The following ZMYM6 variants were observed in gnomAD, a reference collection of about 807,000 sequenced individuals.
The protein encoded by ZMYM6 is zinc finger MYM-type protein 6.
In ZMYM6, 90 loss-of-function variants were observed where a neutral mutation model predicts 134.0. That is an observed-to-expected ratio of 0.67 (90% confidence interval 0.57 to 0.80). ZMYM6 has a LOEUF of 0.80. Among genes scored for constraint, ZMYM6 ranks in the 30% least tolerant of loss-of-function variants. The pLI is 0.00. For synonymous variants in ZMYM6, 481 were observed against 524.1 expected (o/e 0.92, Z 1.12); for missense variants, 1,362 against 1,533.9 (o/e 0.89, Z 1.87).
intron 4 of ZMYM6, among the ~76,000 whole-genome samples, chr1:35,015,892 C>T (rs1259304117): frequency 6.6e-6 from 1 of 150,664 alleles, no homozygotes; most frequent in Non-Finnish European, 1.5e-5. Flanking sequence ...TCTCATTAGC[C>T]AGAGGCTGCC....
At chr1:34,996,729 T>C (rs573375373) in intron 14 of ZMYM6, among the ~76,000 whole-genome samples, 13 of 152,362 alleles carry the variant, frequency 8.5e-5, no homozygotes, top group African/African-American at 3.1e-4. Context: ...TATGGATATA[T>C]ACCTTGTTCA....
intron 1 of ZMYM6, 169 bp from the exon 2 acceptor site, chr1:35,030,882 C>T (rs907523188): frequency 6.8e-5 from 33 of 485,650 alleles, no homozygotes; most frequent in Middle Eastern, 5.3e-4. Context: ...TCAGTAGCTA[C>T]ATAAGAAAAC....
Position 34,988,296 on chromosome 1 carries a change from C to G in ZMYM6, c.2786G>C (p.Arg929Pro). Residue 929 changes from arginine to proline, a missense_variant, in exon 16 of 16, where the codon CGT (arginine) becomes CCT (proline). Arg to Pro is a moderately radical substitution (Grantham distance 103). Coordinates refer to ENST00000357182, the MANE Select transcript of ZMYM6 (RefSeq NM_007167.4). ...ATCACGACAATCATAATCAATGAAA[C>G]GAATATAGCACAAAAGAAGTGTGAT... ...SNITLLLCYI[R>P]FIDYDCRDVK... 1 of 1,550,670 alleles carries G rather than the reference C, an allele frequency of 6.4e-7. No individual in the cohort carries two copies. The highest frequency in any genetic ancestry group is 1.2e-5 in the South Asian group (1 of 83,902).
At chr1:35,013,690 T>TG (rs1165713418) in intron 6 of ZMYM6, 36 of 975,742 alleles carry the variant, frequency 3.7e-5, no homozygotes, top group Non-Finnish European at 4.4e-5. Flanking sequence ...TGTTTTTTTT[T>TG]TTTGTTTGTT....
At chr1:35,009,808 C>T (rs1281174524) in intron 10 of ZMYM6, among the ~76,000 whole-genome samples, 3 of 151,964 alleles carry the variant, frequency 2.0e-5, no homozygotes, top group Admixed American at 6.6e-5. Context: ...TGGTGGCACG[C>T]TCCTGTAGCT....
At chr1:35,014,928 G>C (rs141664923) in intron 5 of ZMYM6, 40 bp from the exon 6 acceptor site, 3 of 1,607,394 alleles carry the variant, frequency 1.9e-6, no homozygotes, top group Admixed American at 3.5e-5. Flanking sequence ...AAAATAAGCA[G>C]AGCCAGTTAA....
intron 14 of ZMYM6, 123 bp downstream of exon 14, chr1:35,003,845 G>T: frequency 1.2e-6 from 1 of 819,622 alleles, no homozygotes; most frequent in Non-Finnish European, 2.0e-6. Flanking sequence ...CCAAGACCTA[G>T]ATTAATGACT....
intron 2 of ZMYM6, among the ~76,000 whole-genome samples, chr1:35,021,295 C>A (rs1268846234): frequency 6.6e-6 from 1 of 151,746 alleles, no homozygotes; most frequent in Non-Finnish European, 1.5e-5. Context: ...CTTGCGCTAC[C>A]ACACCCGGCG....
intron 14 of ZMYM6, among the ~76,000 whole-genome samples, chr1:34,997,028 T>C (rs1424543234): frequency 6.6e-6 from 1 of 152,240 alleles, no homozygotes; most frequent in Non-Finnish European, 1.5e-5. Flanking sequence ...ATCTGGAAGA[T>C]AAATTCCTAA....
rs1348715846 is a variant in ZMYM6, at chr1:35,023,132, G to T, written c.94-2665C>A. Among the ~76,000 whole-genome samples, 3 of 151,682 alleles carry T rather than the reference G, an allele frequency of 2.0e-5. No homozygotes were observed. In the South Asian group the frequency reaches 6.2e-4, roughly 31 times the overall value. ...TTCTTTTTTTTTTTCTTTTGAGATG[G>T]AGTTTCGCTCTTGTTGCCCAGGCTG... On this transcript the variant is annotated intron_variant, in intron 2 of 15. Transcript: ENST00000357182.
chr1:35,014,572 TG>T, intron 6 of ZMYM6, 124 bp downstream of exon 6: 1 of 948,720 alleles, frequency 1.1e-6, no homozygotes, highest in Non-Finnish European at 1.5e-6. Context: ...TCCCATTTTC[TG>T]GAAGGGAAAT....
At position 34,988,185 on chromosome 1, in the gene ZMYM6, T is replaced by C. The variant is rs1420234840; in HGVS notation, c.2897A>G (p.Asp966Gly). Reference protein sequence around the residue: ...EIFELINKYIDSKSLNWKHCV... With the variant: ...EIFELINKYIGSKSLNWKHCV... The stretch of plus-strand genomic sequence containing the variant: ...ATGTTTCCAATTCAGAGATTTACTA[T>C]CAATATATTTATTTATTAGTTCAAA... The change falls in exon 16 of 16, where the codon GAT becomes GGT. Residue 966 changes from aspartate to glycine, a missense_variant. Asp to Gly is a moderately conservative substitution (Grantham distance 94). Around this residue, in one of 3 missense-constraint regions of ZMYM6, gnomAD observed 824 missense variants for 940.9 expected, o/e 0.88. Transcript: ENST00000357182. 8.4e-6 allele frequency: 13 copies of C among 1,548,704 alleles called. No individual in the cohort carries two copies. Among genetic ancestry groups the C allele is most frequent in the Admixed American group, 2.0e-5 (1 of 50,752 alleles).
At chr1:35,025,360 G>A (rs899710300) in intron 2 of ZMYM6, among the ~76,000 whole-genome samples, 34 of 150,862 alleles carry the variant, frequency 2.3e-4, no homozygotes, top group Non-Finnish European at 3.5e-4. Context: ...CCAGCTACTC[G>A]GCAGGCTGAG....
intron 15 of ZMYM6, chr1:34,990,307 C>T (rs555717042): frequency 2.6e-4 from 74 of 281,456 alleles, no homozygotes; most frequent in Admixed American, 2.0e-3. Context: ...TGTGAAATCC[C>T]GTCTCTACTA....
Position 35,014,627 on chromosome 1 carries a change from G to A in ZMYM6, c.795+70C>T, listed in dbSNP as rs140912817. On this transcript the variant is annotated intron_variant, in intron 6 of 15. Transcript: ENST00000357182. ...AATGGGAGGAGCTCACTCTCATTTTGTAGTTCATCCCTGTGCAGCCAAATC... is the reference window on the plus strand; with the variant it reads ...AATGGGAGGAGCTCACTCTCATTTTATAGTTCATCCCTGTGCAGCCAAATC... The A allele has an allele frequency of 3.7e-5, 53 of 1,447,390 alleles. No homozygotes were observed. The African/African-American group carries it at 6.4e-4, about 17-fold the overall frequency. The allele number at this position is 1,447,390 out of a possible 1,614,324, so 89.7% of individuals were successfully genotyped here.
rs115619623 is a variant in ZMYM6, at chr1:35,020,329, A to G, written c.178+54T>C. On this transcript the variant is annotated intron_variant, in intron 3 of 15. Coordinates refer to ENST00000357182, the MANE Select transcript of ZMYM6 (RefSeq NM_007167.4). Reference sequence around the variant, plus strand: ...GAAAAGATGCTTTCCCTCAATTTTAAAAGTCAGAATAAGCAAATTAATTGT... The same window carrying G: ...GAAAAGATGCTTTCCCTCAATTTTAGAAGTCAGAATAAGCAAATTAATTGT... The G allele has an allele frequency of 3.8e-4, 564 of 1,490,026 alleles. 7 individuals carry two copies. The African/African-American group carries it at 6.3e-3, about 17-fold the overall frequency. 92.3% of individuals were successfully genotyped at this position (1,490,026 alleles called of 1,614,324 possible). A position where few individuals can be genotyped will look rare whatever the true frequency, so the allele number is the denominator to read the frequency against.
At chr1:34,997,364 C>T (rs1217417370) in intron 14 of ZMYM6, among the ~76,000 whole-genome samples, 3 of 152,126 alleles carry the variant, frequency 2.0e-5, no homozygotes, top group Admixed American at 6.5e-5. Flanking sequence ...AGTGCAGTGG[C>T]GTGATCTCGG....
Position 35,014,884 on chromosome 1 carries a change from C to T in ZMYM6, c.608G>A (p.Arg203Gln), listed in dbSNP as rs1641152858. Reference protein sequence around the residue: ...CSMCQKNADTRFEVKYQNVVH... With the variant: ...CSMCQKNADTQFEVKYQNVVH... ...CACATTTTGATATTTAACTTCAAAT[C>T]GAGTCTAGGAAATAAACACACACAT... The change falls in exon 6 of 16, where the codon CGA becomes CAA. Residue 203 changes from arginine to glutamine, a missense_variant. Arg to Gln is a conservative substitution (Grantham distance 43). Around this residue, in one of 3 missense-constraint regions of ZMYM6, gnomAD observed 503 missense variants for 520.8 expected, o/e 0.97. Coordinates refer to ENST00000357182, the MANE Select transcript of ZMYM6 (RefSeq NM_007167.4). The T allele has an allele frequency of 6.2e-7, 1 of 1,613,800 alleles. No homozygotes were observed. The highest frequency in any genetic ancestry group is 8.5e-7 in the Non-Finnish European group (1 of 1,179,902).
rs373854707 is a variant in ZMYM6, at chr1:35,030,677, C to T, written c.-38G>A. On this transcript the variant is annotated 5_prime_UTR_variant, in exon 2 of 16. Transcript: ENST00000357182. ...CCTCAAAGAGTGTCTCAGGCTCAAA[C>T]GAATAGATTTCTTCTTGGTAATGGA... The T allele has an allele frequency of 4.4e-6, 7 of 1,578,582 alleles. No homozygotes were observed. Among genetic ancestry groups the T allele is most frequent in the Non-Finnish European group, 6.1e-6 (7 of 1,156,860 alleles).
Sources: gnomAD v4.1 joint callset for allele counts (sites outside exome capture counted in the v4.1 genomes callset) on GRCh38, gnomAD v4.1.1 for gene constraint, gnomAD v4.1.1 regional missense constraint, MANE v1.5 for transcripts, NCBI Gene and HGNC (gene_info 2026-07-23, HGNC 2026-07-21) for gene names.